Variants in TPTE observed in about 807,000 individuals in gnomAD.
TPTE encodes the protein putative tyrosine-protein phosphatase TPTE.
TPTE carries 59 observed loss-of-function variants against 84.1 expected under a neutral mutation model. The ratio of observed to expected loss-of-function variants is 0.70; its 90% CI spans 0.57 to 0.87. The LOEUF (loss-of-function observed/expected upper bound fraction) is 0.87. Among genes scored for constraint, TPTE ranks in the 40% least tolerant of loss-of-function variants. The probability of loss-of-function intolerance (pLI) is 0.00; values close to 1 mark genes in which losing one functional copy is unlikely to be tolerated. For synonymous variants in TPTE, 130 were observed against 223.5 expected (o/e 0.58, Z 3.73); for missense variants, 382 against 659.6 (o/e 0.58, Z 4.61).
chr21:10,547,368 C>G (rs532756632), intron 7 of TPTE, among the ~76,000 whole-genome samples: 2 of 152,308 alleles, frequency 1.3e-5, no homozygotes, highest in African/African-American at 4.8e-5. Flanking sequence ...TGTGCAGCCC[C>G]TTCTGCCCCA....
In TPTE at chr21:10,521,698, AG is replaced by A; in HGVS notation, c.-211+5del. The A allele has an allele frequency of 6.9e-6, 1 of 143,932 alleles. No homozygotes were observed. The highest frequency in any genetic ancestry group is 1.5e-5 in the Non-Finnish European group (1 of 67,352). The allele number at this position is 143,932 out of a possible 1,614,324, so 8.9% of individuals were successfully genotyped here. A position where few individuals can be genotyped will look rare whatever the true frequency, so the allele number is the denominator to read the frequency against. ...TACACTTAGCTCCGCGCCCGAGGTG[AG>A]CCCAGGCCCTAAGTCCTCCGGGCGG... On this transcript the variant is annotated splice_donor_5th_base_variant and intron_variant, in intron 1 of 23. Transcript: ENST00000618007.
intron 3 of TPTE, among the ~76,000 whole-genome samples, chr21:10,536,795 G>A (rs1423646427): frequency 6.6e-6 from 1 of 152,310 alleles, no homozygotes; most frequent in African/African-American, 2.4e-5. Context: ...TTATTGTCTT[G>A]TCACCCTTAG....
At chr21:10,532,740 TAA>T (rs1407550657) in intron 3 of TPTE, among the ~76,000 whole-genome samples, 1 of 152,302 alleles carries the variant, frequency 6.6e-6, no homozygotes, top group Non-Finnish European at 1.5e-5. Context: ...CCTTTTAACA[TAA>T]GAGGCATTCA....
At chr21:10,603,160 C>T (rs1459379820) in intron 22 of TPTE, among the ~76,000 whole-genome samples, 214 of 151,568 alleles carry the variant, frequency 1.4e-3, no homozygotes, top group African/African-American at 5.0e-3. Flanking sequence ...CTTCTGATAT[C>T]AGAAAATCCA....
chr21:10,538,332 T>A (rs187195483), intron 3 of TPTE, among the ~76,000 whole-genome samples: 2 of 152,426 alleles, frequency 1.3e-5, no homozygotes, highest in African/African-American at 4.8e-5. Context: ...TGGAGGGCTT[T>A]CGAGGCAGCA....
intron 17 of TPTE, among the ~76,000 whole-genome samples, chr21:10,579,240 G>C (rs1284680388): frequency 6.6e-6 from 1 of 152,306 alleles, no homozygotes; most frequent in Admixed American, 6.5e-5. Flanking sequence ...TAACATCTCA[G>C]GCTGGGCACA....
chr21:10,599,513 C>T (rs1489669764), intron 21 of TPTE, among the ~76,000 whole-genome samples: 1 of 152,312 alleles, frequency 6.6e-6, no homozygotes, highest in Non-Finnish European at 1.5e-5. Flanking sequence ...TATCACATCT[C>T]AAGTGTAATG....
intron 10 of TPTE, among the ~76,000 whole-genome samples, chr21:10,566,509 A>G (rs1426505233): frequency 6.6e-6 from 1 of 152,308 alleles, no homozygotes; most frequent in Non-Finnish European, 1.5e-5. Context: ...TGCTGGGTAG[A>G]TACCCACAAA....
intron 1 of TPTE, among the ~76,000 whole-genome samples, chr21:10,522,256 C>G (rs1243252747): frequency 6.6e-6 from 1 of 152,296 alleles, no homozygotes; most frequent in African/African-American, 2.4e-5. Flanking sequence ...TGCGGGCGAT[C>G]CCGGGCTGCA....
chr21:10,552,540 A>C (rs564326396), intron 7 of TPTE, 117 bp from the exon 8 acceptor site: 2 of 1,499,466 alleles, frequency 1.3e-6, no homozygotes, highest in East Asian at 4.8e-5. Context: ...GAGCTAAGTC[A>C]TGTTTACTAT....
At chr21:10,566,666 A>G (rs1487476065) in intron 10 of TPTE, among the ~76,000 whole-genome samples, 1 of 152,310 alleles carries the variant, frequency 6.6e-6, no homozygotes, top group Non-Finnish European at 1.5e-5. Context: ...AGAGAGTATT[A>G]TTTAGCCATA....
At chr21:10,571,144 G>A (rs12627284) in intron 14 of TPTE, among the ~76,000 whole-genome samples, 5,232 of 139,382 alleles carry the variant, frequency 0.038, no homozygotes, top group East Asian at 0.11. Context: ...TATGCCTAAG[G>A]CCTGAGAACT....
intron 14 of TPTE, among the ~76,000 whole-genome samples, chr21:10,576,854 T>C (rs201333166): frequency 6.1e-4 from 37 of 61,126 alleles, no homozygotes; most frequent in African/African-American, 4.7e-3. Context: ...TATATATATA[T>C]ATATATATAT....
chr21:10,594,020 T>G (rs1253917753), intron 19 of TPTE, among the ~76,000 whole-genome samples: 1 of 152,422 alleles, frequency 6.6e-6, no homozygotes, highest in Middle Eastern at 3.4e-3. Flanking sequence ...ATAGGTGAAT[T>G]TACTGAAGTG....
intron 17 of TPTE, among the ~76,000 whole-genome samples, chr21:10,582,608 CTT>C (rs1315414861): frequency 6.6e-6 from 1 of 152,300 alleles, no homozygotes; most frequent in Admixed American, 6.5e-5. Flanking sequence ...ATATTTTATA[CTT>C]TTTTATCATG....
intron 17 of TPTE, among the ~76,000 whole-genome samples, chr21:10,585,754 A>G (rs1424419578): frequency 1.3e-5 from 2 of 152,302 alleles, no homozygotes; most frequent in African/African-American, 2.4e-5. Flanking sequence ...TCTTTAAATT[A>G]TGGCTCAATT....
intron 2 of TPTE, among the ~76,000 whole-genome samples, chr21:10,526,609 T>C (rs1376992409): frequency 1.3e-5 from 2 of 152,308 alleles, no homozygotes; most frequent in Non-Finnish European, 2.9e-5. Context: ...AAAATTGTGG[T>C]GAAGAGCATT....
chr21:10,545,935 CAT>C (rs879431754), intron 7 of TPTE, among the ~76,000 whole-genome samples: 5 of 152,024 alleles, frequency 3.3e-5, no homozygotes, highest in African/African-American at 7.2e-5. Context: ...TATATGTAAA[CAT>C]ATATGTATAT....
intron 20 of TPTE, 42 bp from the exon 21 acceptor site, chr21:10,597,973 C>T (rs766336037): frequency 2.2e-5 from 36 of 1,608,166 alleles, no homozygotes; most frequent in Admixed American, 1.5e-4. Flanking sequence ...TTGATGTTCA[C>T]GCTAGCCAAC....
Sources: gnomAD v4.1 joint callset for allele counts (sites outside exome capture counted in the v4.1 genomes callset) on GRCh38, gnomAD v4.1.1 for gene constraint, MANE v1.5 for transcripts, NCBI Gene and HGNC (gene_info 2026-07-23, HGNC 2026-07-21) for gene names.